Variants in ELP2 observed in about 807,000 individuals in gnomAD.
The protein encoded by ELP2 is elongator complex protein 2.
Under a neutral mutation model 119.2 loss-of-function variants are expected in ELP2, and 90 were observed. That is an observed-to-expected ratio of 0.75 (90% CI 0.64 to 0.90). ELP2 has a LOEUF of 0.90. Among genes scored for constraint, ELP2 ranks in the 40% least tolerant of loss-of-function variants. The probability of loss-of-function intolerance (pLI) is 0.00; values close to 1 mark genes in which losing one functional copy is unlikely to be tolerated. For synonymous variants in ELP2, 339 were observed against 331.0 expected, an observed-to-expected ratio of 1.02 and a Z score of -0.26; for missense variants, 921 against 967.8, an observed-to-expected ratio of 0.95 and a Z score of 0.64.
chr18:36,170,230 A>G, intron 20 of ELP2, 34 bp downstream of exon 20: 1 of 1,612,858 alleles, frequency 6.2e-7, no homozygotes. Context: ...TTTTAAGAGG[A>G]CCACTTGGTT....
intron 4 of ELP2, 91 bp downstream of exon 4, chr18:36,138,517 C>T: frequency 3.6e-6 from 5 of 1,383,724 alleles, no homozygotes; most frequent in Non-Finnish European, 1.0e-6. Flanking sequence ...TTCTTTACAA[C>T]TTTGGAGCAA....
intron 11 of ELP2, among the ~76,000 whole-genome samples, chr18:36,150,507 T>C (rs570102397): frequency 1.3e-5 from 2 of 152,196 alleles, no homozygotes; most frequent in African/African-American, 2.4e-5. Context: ...TAATGTTTCA[T>C]AGCAAGACAG....
intron 11 of ELP2, among the ~76,000 whole-genome samples, chr18:36,153,464 G>A (rs1471989067): frequency 6.6e-6 from 1 of 152,124 alleles, no homozygotes; most frequent in African/African-American, 2.4e-5. Context: ...ATTAACTTCT[G>A]TGAGCAAATG....
At position 36,170,162 on chromosome 18, in the gene ELP2, G is replaced by A. The variant is rs201137758; in HGVS notation, c.2176G>A (p.Val726Ile). 11 of 1,614,146 alleles carry A rather than the reference G, an allele frequency of 6.8e-6. No individual in the cohort carries two copies. In the Admixed American group the frequency reaches 8.3e-5, roughly 12 times the overall value. ...GGACGTGGGTGGGGCTGTGACAGCT[G>A]TCAGCGTCTGCCCAGTGCTCCACCC... ...VLDVGGAVTA[V>I]SVCPVLHPSQ... The change falls in exon 20 of 22, where the codon GTC becomes ATC. Residue 726 changes from valine (V) to isoleucine (I), a missense_variant. Transcript: ENST00000358232.
chr18:36,144,812 TGAATCCCAA>T, intron 8 of ELP2, 118 bp from the exon 9 acceptor site: 1 of 722,622 alleles, frequency 1.4e-6, no homozygotes, highest in African/African-American at 1.8e-5. Context: ...GTTCTTTTTT[TGAATCCCAA>T]CTATCATATT....
intron 11 of ELP2, among the ~76,000 whole-genome samples, chr18:36,149,947 G>A (rs952718865): frequency 6.6e-6 from 1 of 152,084 alleles, no homozygotes; most frequent in Admixed American, 6.6e-5. Flanking sequence ...GTGTATCTTT[G>A]GTCTGAAGAA....
At chr18:36,133,991 G>C (rs1163672912) in intron 2 of ELP2, among the ~76,000 whole-genome samples, 2 of 133,354 alleles carry the variant, frequency 1.5e-5, no homozygotes, top group African/African-American at 2.8e-5. Context: ...CTCACTGCGA[G>C]CTCCGCCTCC....
At chr18:36,149,025 C>G (rs1048914433) in intron 11 of ELP2, among the ~76,000 whole-genome samples, 1 of 152,212 alleles carries the variant, frequency 6.6e-6, no homozygotes, top group African/African-American at 2.4e-5. Context: ...ATATTATATA[C>G]AACTTCACTT....
intron 18 of ELP2, among the ~76,000 whole-genome samples, chr18:36,166,171 C>A (rs2090888497): frequency 6.6e-6 from 1 of 150,428 alleles, no homozygotes; most frequent in Non-Finnish European, 1.5e-5. Flanking sequence ...CCAGCCAGGG[C>A]ATTAGAGTGA....
chr18:36,145,063 T>C lies in ELP2; in HGVS notation c.892+29T>C, dbSNP rs376397330. 3.3e-6 allele frequency: 5 copies of C among 1,532,766 alleles called. No homozygotes were observed. In the African/African-American group the frequency reaches 5.5e-5, roughly 17 times the overall value. The allele number at this position is 1,532,766 out of a possible 1,614,324, so 94.9% of individuals were successfully genotyped here. A position where few individuals can be genotyped will look rare whatever the true frequency, so the allele number is the denominator to read the frequency against. ...GGAAGAAAACCATACACATATCCCT[T>C]ACTCCAGTTAAATCTTATGGCACAG... On this transcript the variant is annotated intron_variant, in intron 9 of 21. Coordinates refer to ENST00000358232, the MANE Select transcript of ELP2 (RefSeq NM_018255.4).
At chr18:36,137,803 CA>C (rs57722627) in intron 3 of ELP2, among the ~76,000 whole-genome samples, 1,896 of 103,644 alleles carry the variant, frequency 0.018, 29 homozygotes, top group Admixed American at 0.074. Flanking sequence ...ATATTATCAC[CA>C]AAAAAAAAAA....
At chr18:36,174,351 TTAAAA>T in intron 21 of ELP2, 129 bp from the exon 22 acceptor site, 2 of 881,732 alleles carry the variant, frequency 2.3e-6, no homozygotes, top group Non-Finnish European at 3.5e-6. Flanking sequence ...ATTTTCCAGG[TTAAAA>T]TAAAATGGCT....
intron 21 of ELP2, among the ~76,000 whole-genome samples, chr18:36,173,563 G>T (rs1279666982): frequency 2.6e-5 from 4 of 152,170 alleles, no homozygotes; most frequent in African/African-American, 9.7e-5. Context: ...AACAGTTGAG[G>T]CACAGCAGTC....
At chr18:36,135,248 G>A in intron 2 of ELP2, among the ~76,000 whole-genome samples, 1 of 152,130 alleles carries the variant, frequency 6.6e-6, no homozygotes, top group Non-Finnish European at 1.5e-5. Flanking sequence ...TATTATGATT[G>A]ATTTCCTTTC....
Position 36,154,740 on chromosome 18 carries a change from T to G in ELP2, c.1126-110T>G. On this transcript the variant is annotated intron_variant, in intron 11 of 21. Coordinates refer to ENST00000358232, the MANE Select transcript of ELP2 (RefSeq NM_018255.4). ...TGTGATCCGATCTTGTATACTTAGC[T>G]TTTCACCTTGCCAGAGGGCTTTAGT... The G allele has an allele frequency of 2.5e-6, 3 of 1,221,140 alleles. No individual in the cohort carries two copies. The South Asian group carries it at 3.6e-5, about 15-fold the overall frequency. The allele number at this position is 1,221,140 out of a possible 1,614,324, so 75.6% of individuals were successfully genotyped here.
chr18:36,155,421 G>C (rs755306306), intron 12 of ELP2, among the ~76,000 whole-genome samples: 2 of 152,116 alleles, frequency 1.3e-5, no homozygotes, highest in Non-Finnish European at 2.9e-5. Flanking sequence ...TTAGAACCAT[G>C]ATGAGATACC....
intron 8 of ELP2, among the ~76,000 whole-genome samples, chr18:36,143,379 C>T (rs952544080): frequency 1.3e-5 from 2 of 151,092 alleles, no homozygotes; most frequent in East Asian, 2.0e-4. Flanking sequence ...GCCTCGGCCT[C>T]CCAAAGTGCT....
chr18:36,156,726 G>C, intron 13 of ELP2, 72 bp downstream of exon 13: 1 of 1,358,122 alleles, frequency 7.4e-7, no homozygotes, highest in Non-Finnish European at 1.0e-6. Context: ...TTTTGCCTTA[G>C]GCTTTAAATG....
At position 36,141,155 on chromosome 18, in the gene ELP2, G is replaced by A. The variant is rs1310371707; in HGVS notation, c.542G>A (p.Gly181Asp). 6 of 1,613,620 alleles carry A rather than the reference G, an allele frequency of 3.7e-6. No homozygotes were observed. The African/African-American group carries it at 8.0e-5, about 22-fold the overall frequency. The change falls in exon 6 of 22, where the codon GGC becomes GAC. Residue 181 changes from glycine (G) to aspartate (D), a missense_variant. Gly to Asp is a moderately conservative substitution (Grantham distance 94). Transcript: ENST00000358232. The part of the protein sequence containing the change: ...PNTDVPILAC[G>D]NDDCRIHIFA... ...CCCCCAGTACCAATATTAGCATGTG[G>A]CAATGATGATTGCAGAATTCACATA...
Sources: allele counts gnomAD v4.1 joint callset (sites outside exome capture counted in the v4.1 genomes callset), GRCh38; gene constraint gnomAD v4.1.1; transcripts MANE v1.5; gene names NCBI Gene and HGNC (gene_info 2026-07-23, HGNC 2026-07-21).